ICA1L: variants seen among roughly 807,000 people sequenced by gnomAD.
The protein encoded by ICA1L is islet cell autoantigen 1 like.
A neutral mutation model predicts 61.3 loss-of-function variants in ICA1L; 50 were observed. The observed-to-expected ratio is 0.82, with a 90% CI of 0.65 to 1.03. The LOEUF (loss-of-function observed/expected upper bound fraction) is 1.03, where lower values mean the gene tolerates loss of function less well. Ranked by LOEUF, ICA1L falls within the 50% of genes least tolerant of loss-of-function variation. The pLI is 0.00. For synonymous variants in ICA1L, 161 were observed against 191.3 expected (o/e 0.84, Z 1.31); for missense variants, 508 against 556.7 (o/e 0.91, Z 0.88).
chr2:202,866,452 T>C (rs1383025657), intron 1 of ICA1L, among the ~76,000 whole-genome samples: 1 of 152,146 alleles, frequency 6.6e-6, no homozygotes, highest in East Asian at 1.9e-4. Flanking sequence ...AATTACGCAG[T>C]CTCAGGTATT....
At chr2:202,844,887 GGCT>G (rs1694426772) in intron 1 of ICA1L, among the ~76,000 whole-genome samples, 1 of 152,066 alleles carries the variant, frequency 6.6e-6, no homozygotes, top group South Asian at 2.1e-4. Context: ...GTTGTCAGAC[GGCT>G]GCATTTCTTC....
At chr2:202,808,476 AGGCCCTGGCTCCCAGAT>A in intron 9 of ICA1L, among the ~76,000 whole-genome samples, 2 of 152,294 alleles carry the variant, frequency 1.3e-5, no homozygotes, top group Non-Finnish European at 2.9e-5. Context: ...TCCTGACTCT[AGGCCCTGGCTCCCAGAT>A]GGCATTCTGG....
intron 3 of ICA1L, chr2:202,821,759 A>AAATCCC (rs1693708420): frequency 5.2e-6 from 1 of 190,720 alleles, no homozygotes; most frequent in Non-Finnish European, 1.1e-5. Context: ...TTAGTGACAA[A>AAATCCC]AATCCCTCAA....
rs375559640 is a variant in ICA1L, at chr2:202,814,683, A to G, written c.866+19T>C. On this transcript the variant is annotated intron_variant, in intron 8 of 12. Coordinates refer to ENST00000358299, the MANE Select transcript of ICA1L (RefSeq NM_001288622.3). The stretch of plus-strand genomic sequence containing the variant: ...CCAGGACTTCTATAACATGACACAG[A>G]TGACTTATGCCTGCTTACTTATTGA... 4 of 1,560,106 alleles carry G rather than the reference A, an allele frequency of 2.6e-6. No homozygotes were observed. Among genetic ancestry groups the G allele is most frequent in the Non-Finnish European group, 3.5e-6 (4 of 1,132,328 alleles).
chr2:202,861,484 A>C (rs959351130), intron 1 of ICA1L, among the ~76,000 whole-genome samples: 1 of 150,766 alleles, frequency 6.6e-6, no homozygotes. Context: ...CAAATACAAG[A>C]AAAAAAAATA....
chr2:202,847,926 T>C (rs1694510857), intron 1 of ICA1L, among the ~76,000 whole-genome samples: 1 of 152,084 alleles, frequency 6.6e-6, no homozygotes, highest in South Asian at 2.1e-4. Context: ...TCATGTCCTT[T>C]GCAGCAATAC....
At position 202,774,408 on chromosome 2, in the gene ICA1L, A is replaced by G. The variant is rs1692153836; in HGVS notation, c.*5125T>C. 2.0e-6 allele frequency: 2 copies of G among 1,005,370 alleles called. No individual in the cohort carries two copies. The highest frequency in any genetic ancestry group is 4.2e-5 in the Admixed American group (1 of 23,760). 62.3% of individuals were successfully genotyped at this position (1,005,370 alleles called of 1,614,324 possible). ...AGGCCTCACTGCGCCTCCAACAGCC[A>G]GGGTCGAGCCCCTGGCTCCCCGTTC... On this transcript the variant is annotated 3_prime_UTR_variant, in exon 13 of 13. Coordinates refer to ENST00000358299, the MANE Select transcript of ICA1L (RefSeq NM_001288622.3).
chr2:202,773,775 T>TAA lies in ICA1L; in HGVS notation c.*5757_*5758insTT. 7.3e-7 allele frequency: 1 copy of TAA among 1,377,812 alleles called. No homozygotes were observed. The allele number at this position is 1,377,812 out of a possible 1,614,324, so 85.3% of individuals were successfully genotyped here. ...CCAGGTCCAAAGGTGGAAGAATACA[T>TAA]ACACCGGTATGGTAATAGGCAAGAG... On this transcript the variant is annotated 3_prime_UTR_variant, in exon 13 of 13. Coordinates refer to ENST00000358299, the MANE Select transcript of ICA1L (RefSeq NM_001288622.3).
At chr2:202,860,675 C>G (rs964105613) in intron 1 of ICA1L, among the ~76,000 whole-genome samples, 1 of 151,086 alleles carries the variant, frequency 6.6e-6, no homozygotes, top group Non-Finnish European at 1.5e-5. Context: ...TTGCTTGAAC[C>G]CGGGACACGG....
At chr2:202,812,838 A>G (rs1574346400) in intron 8 of ICA1L, among the ~76,000 whole-genome samples, 1 of 152,182 alleles carries the variant, frequency 6.6e-6, no homozygotes, top group South Asian at 2.1e-4. Flanking sequence ...GCCATCTATT[A>G]GTTAACTTGA....
At chr2:202,803,979 A>G (rs1308556331) in intron 9 of ICA1L, among the ~76,000 whole-genome samples, 1 of 152,200 alleles carries the variant, frequency 6.6e-6, no homozygotes. Context: ...AAAATAAATC[A>G]TAAGTGTTAA....
chr2:202,818,775 G>A (rs1314136097), intron 5 of ICA1L, among the ~76,000 whole-genome samples: 3 of 152,144 alleles, frequency 2.0e-5, no homozygotes, highest in Non-Finnish European at 4.4e-5. Context: ...CCCCAGCCAC[G>A]TGGAACTGTA....
chr2:202,773,823 G>A lies in ICA1L; in HGVS notation c.*5710C>T. 1 of 1,385,726 alleles carries A rather than the reference G, an allele frequency of 7.2e-7. No homozygotes were observed. The highest frequency in any genetic ancestry group is 2.3e-5 in the East Asian group (1 of 43,586). 85.8% of individuals were successfully genotyped at this position (1,385,726 alleles called of 1,614,324 possible). On this transcript the variant is annotated 3_prime_UTR_variant, in exon 13 of 13. Transcript: ENST00000358299. ...GAGCAGGCTGTAAAAGCAAAGGCTA[G>A]CTGTGCAAGTGCAGCCCTGTGGGAA...
intron 10 of ICA1L, among the ~76,000 whole-genome samples, chr2:202,793,912 G>A (rs1447732226): frequency 2.0e-5 from 3 of 151,258 alleles, no homozygotes; most frequent in African/African-American, 7.3e-5. Flanking sequence ...CTTGAACCTG[G>A]GAGGCAGAAG....
In ICA1L at chr2:202,828,923, G is replaced by T; in HGVS notation, c.87C>A (p.Val29=). 1 of 1,613,276 alleles carries T rather than the reference G, an allele frequency of 6.2e-7. No individual in the cohort carries two copies. Among genetic ancestry groups the T allele is most frequent in the Non-Finnish European group, 8.5e-7 (1 of 1,179,668 alleles). ...MQKKYWKTKQ[V]FIKATGKKED... is the part of the protein sequence containing the mutation. ...CTTTTTTTCCTGTTGCTTTGATAAAGACCTGTTTAGTTTTCCAGTATTTCT... is the reference window on the plus strand; with the variant it reads ...CTTTTTTTCCTGTTGCTTTGATAAATACCTGTTTAGTTTTCCAGTATTTCT... Residue 29 remains valine, a synonymous_variant, in exon 2 of 13, where the codon GTC becomes GTA. Coordinates refer to ENST00000358299, the MANE Select transcript of ICA1L (RefSeq NM_001288622.3).
intron 9 of ICA1L, among the ~76,000 whole-genome samples, chr2:202,797,998 T>G (rs1166172040): frequency 6.6e-6 from 1 of 152,182 alleles, no homozygotes; most frequent in Non-Finnish European, 1.5e-5. Context: ...AGTTCAACTT[T>G]TTAGATTCCA....
intron 1 of ICA1L, among the ~76,000 whole-genome samples, chr2:202,847,803 C>T (rs1419366393): frequency 6.8e-6 from 1 of 147,936 alleles, no homozygotes; most frequent in African/African-American, 2.5e-5. Context: ...CAGCATTAGT[C>T]TCAATAGCAA....
At position 202,774,337 on chromosome 2, in the gene ICA1L, G is replaced by C; in HGVS notation, c.*5196C>G. ...CGCGCGTTCCCCGCAGCGCTGAGGC[G>C]AGCCTGCCGCGCGCTCCGCTCAGCG... is the stretch of plus-strand genomic sequence containing the variant. On this transcript the variant is annotated 3_prime_UTR_variant, in exon 13 of 13. Coordinates refer to ENST00000358299, the MANE Select transcript of ICA1L (RefSeq NM_001288622.3). 1.4e-6 allele frequency: 2 copies of C among 1,409,904 alleles called. No homozygotes were observed. The highest frequency in any genetic ancestry group is 3.0e-5 in the South Asian group (2 of 66,146). The allele number at this position is 1,409,904 out of a possible 1,614,324, so 87.3% of individuals were successfully genotyped here.
At chr2:202,859,523 C>A (rs1426555509) in intron 1 of ICA1L, among the ~76,000 whole-genome samples, 1 of 152,156 alleles carries the variant, frequency 6.6e-6, no homozygotes, top group African/African-American at 2.4e-5. Context: ...AAGACATTGA[C>A]ATAGCAAAAT....
Sources: gnomAD v4.1 joint callset for allele counts (sites outside exome capture counted in the v4.1 genomes callset) on GRCh38, gnomAD v4.1.1 for gene constraint, MANE v1.5 for transcripts, NCBI Gene and HGNC (gene_info 2026-07-23, HGNC 2026-07-21) for gene names.